Variants in GID4 observed in about 807,000 individuals in gnomAD.
GID4 encodes GID complex subunit 4 homolog.
Under a neutral mutation model 32.4 loss-of-function variants are expected in GID4, and 7 were observed. That is an observed-to-expected ratio of 0.22 (90% confidence interval 0.12 to 0.41). The LOEUF is 0.41. Among genes scored for constraint, GID4 ranks in the 10% least tolerant of loss-of-function variants. The pLI, the probability that GID4 is intolerant of heterozygous loss-of-function variation, is 1.00. For synonymous variants in GID4, 166 were observed against 170.0 expected, an observed-to-expected ratio of 0.98 and a Z score of 0.18; for missense variants, 309 against 400.0, an observed-to-expected ratio of 0.77 and a Z score of 1.94.
At position 18,066,257 on chromosome 17, in the gene GID4, CAA is replaced by C. The variant is rs979549328; in HGVS notation, c.*1015_*1016del. 6.6e-6 allele frequency: 1 copy of C among 152,554 alleles called. No homozygotes were observed. The highest frequency in any genetic ancestry group is 2.4e-5 in the African/African-American group (1 of 41,426). 9.5% of individuals were successfully genotyped at this position (152,554 alleles called of 1,614,324 possible). On this transcript the variant is annotated 3_prime_UTR_variant, in exon 6 of 6. Transcript: ENST00000268719. ...ATTGCCTAAATTATAGTGCTCAACA[CAA>C]GAACTGTTTTTGGGGCCAGTTTAGC...
rs532355960 is a variant in GID4 at position 18,067,158 on chromosome 17, T to C, written c.*1915T>C. 1 of 152,526 alleles carries C rather than the reference T, an allele frequency of 6.6e-6. No individual in the cohort carries two copies. The highest frequency in any genetic ancestry group is 2.1e-4 in the South Asian group (1 of 4,814). 9.4% of individuals were successfully genotyped at this position (152,526 alleles called of 1,614,324 possible). A position where few individuals can be genotyped will look rare whatever the true frequency, so the allele number is the denominator to read the frequency against. ...GGACAAGTGAAGGAGGCCATGGGGC[T>C]GTGCTGTCCTTCCTGCCGTACGTGC... On this transcript the variant is annotated 3_prime_UTR_variant, in exon 6 of 6. Coordinates refer to ENST00000268719, the MANE Select transcript of GID4 (RefSeq NM_024052.5).
chr17:18,060,634 C>T (rs1002636764), intron 4 of GID4, among the ~76,000 whole-genome samples: 1 of 152,034 alleles, frequency 6.6e-6, no homozygotes, highest in Non-Finnish European at 1.5e-5. Context: ...CTCACTGCAA[C>T]CTCCGTCTCC....
chr17:18,055,940 C>A (rs1355901414), intron 3 of GID4, among the ~76,000 whole-genome samples: 1 of 152,152 alleles, frequency 6.6e-6, no homozygotes, highest in Non-Finnish European at 1.5e-5. Flanking sequence ...CTGCAACCTC[C>A]GCCTCCCAGA....
At chr17:18,060,827 G>A (rs1482260870) in intron 4 of GID4, among the ~76,000 whole-genome samples, 5 of 152,100 alleles carry the variant, frequency 3.3e-5, no homozygotes, top group South Asian at 2.1e-4. Context: ...TCCCCGTCCC[G>A]TGTTCAAGCA....
At chr17:18,050,735 A>G (rs1398709478) in intron 2 of GID4, among the ~76,000 whole-genome samples, 1 of 152,244 alleles carries the variant, frequency 6.6e-6, no homozygotes. Flanking sequence ...GGTACCTATC[A>G]CCACACAGTT....
intron 2 of GID4, 94 bp downstream of exon 2, chr17:18,045,300 G>C: frequency 1.1e-6 from 1 of 893,956 alleles, no homozygotes; most frequent in Admixed American, 2.1e-5. Flanking sequence ...AACTCCTTGA[G>C]GCCTAATTAA....
In GID4 at chr17:18,039,409, T is replaced by TGG; in HGVS notation, c.-55_-54insGG. ...TGAGCCAATCGGAAGGGGCGGGGTG[T>TGG]GTGTGTGTCTGTGTGTGTTTGTGTG... On this transcript the variant is annotated 5_prime_UTR_variant, in exon 1 of 6. Coordinates refer to ENST00000268719, the MANE Select transcript of GID4 (RefSeq NM_024052.5). This position sits in a 1 kb window ranked among gnomAD's most constrained non-coding sequence, Gnocchi z 5.3. 8.5e-7 allele frequency: 1 copy of TGG among 1,174,296 alleles called. No individual in the cohort carries two copies. The highest frequency in any genetic ancestry group is 1.6e-5 in the African/African-American group (1 of 64,370). 72.7% of individuals were successfully genotyped at this position (1,174,296 alleles called of 1,614,324 possible).
intron 1 of GID4, among the ~76,000 whole-genome samples, chr17:18,040,490 C>A (rs1055138275): frequency 2.0e-5 from 3 of 152,222 alleles, no homozygotes; most frequent in Non-Finnish European, 2.9e-5. Flanking sequence ...TGGTCAGGCC[C>A]TGGCCTCACC....
At chr17:18,063,300 C>T (rs1238165725) in intron 5 of GID4, among the ~76,000 whole-genome samples, 2 of 151,792 alleles carry the variant, frequency 1.3e-5, no homozygotes, top group African/African-American at 2.4e-5. Context: ...GTTCCAGCTA[C>T]TCAGGAGGCT....
chr17:18,044,376 T>C (rs1456208589), intron 1 of GID4, among the ~76,000 whole-genome samples: 1 of 152,062 alleles, frequency 6.6e-6, no homozygotes, highest in Non-Finnish European at 1.5e-5. Context: ...AAGGAGGAAA[T>C]TGTTTGTTGG....
At chr17:18,059,086 A>G (rs964055362) in intron 4 of GID4, 117 bp downstream of exon 4, 41 of 637,956 alleles carry the variant, frequency 6.4e-5, no homozygotes, top group Admixed American at 1.6e-4. Context: ...GCTGGTTGTC[A>G]TGGCAAAGTC....
chr17:18,053,178 T>C (rs913657052), intron 2 of GID4, among the ~76,000 whole-genome samples: 3 of 149,816 alleles, frequency 2.0e-5, no homozygotes. Flanking sequence ...CACGCCCGGC[T>C]AATTTTGTAT....
chr17:18,045,228 C>G (rs372841536), intron 2 of GID4, 22 bp downstream of exon 2: 7 of 1,602,246 alleles, frequency 4.4e-6, no homozygotes, highest in Non-Finnish European at 5.1e-6. Context: ...CTCACACAAA[C>G]CAGCACTAGA....
intron 5 of GID4, among the ~76,000 whole-genome samples, chr17:18,064,958 G>GA (rs527481591): frequency 2.4e-4 from 36 of 151,514 alleles, no homozygotes; most frequent in East Asian, 2.3e-3. Flanking sequence ...AGAGCAGAAT[G>GA]AAAAAAAACA....
chr17:18,044,098 C>G (rs1446535152), intron 1 of GID4, among the ~76,000 whole-genome samples: 1 of 152,174 alleles, frequency 6.6e-6, no homozygotes, highest in East Asian at 1.9e-4. Flanking sequence ...GATGTCTCCC[C>G]CAGGACTGGA....
chr17:18,039,632 C>G lies in GID4; in HGVS notation c.168C>G (p.Leu56=), dbSNP rs2044764603. The stretch of plus-strand genomic sequence containing the variant: ...CGCGTGCGCGCCCCGGCCTCTCCCT[C>G]CCCGCCACCCTCCTCGGCTCCCGCG... ...HPARARPGLS[L]PATLLGSRAA... The change falls in exon 1 of 6, where the codon CTC becomes CTG. Residue 56 remains leucine (L), a synonymous_variant. Transcript: ENST00000268719. The surrounding 1 kb of genome is among the most constrained non-coding windows in gnomAD (Gnocchi z 5.3). 1 of 1,303,002 alleles carries G rather than the reference C, an allele frequency of 7.7e-7. No homozygotes were observed. The highest frequency in any genetic ancestry group is 1.5e-5 in the African/African-American group (1 of 64,518). 80.7% of individuals were successfully genotyped at this position (1,303,002 alleles called of 1,614,324 possible).
At chr17:18,057,668 CT>C (rs200754318) in intron 3 of GID4, among the ~76,000 whole-genome samples, 3 of 151,836 alleles carry the variant, frequency 2.0e-5, no homozygotes, top group Middle Eastern at 3.4e-3. Context: ...TGTTTTTTGT[CT>C]TTTTTTTAAA....
chr17:18,059,940 G>T (rs111553744), intron 4 of GID4, among the ~76,000 whole-genome samples: 4,791 of 151,696 alleles, frequency 0.032, 211 homozygotes, highest in African/African-American at 0.1. Flanking sequence ...CAAAAAATTA[G>T]CCGGGCATGT....
At chr17:18,052,406 A>G (rs2044920553) in intron 2 of GID4, among the ~76,000 whole-genome samples, 1 of 152,188 alleles carries the variant, frequency 6.6e-6, no homozygotes, top group South Asian at 2.1e-4. Context: ...GTCCTACACT[A>G]CATGCAGGCC....
Sources: gnomAD v4.1 joint callset for allele counts (sites outside exome capture counted in the v4.1 genomes callset) on GRCh38, gnomAD v4.1.1 for gene constraint, Gnocchi (gnomAD v3.1) non-coding constraint, MANE v1.5 for transcripts, NCBI Gene and HGNC (gene_info 2026-07-23, HGNC 2026-07-21) for gene names.